ADARB2: variants seen among roughly 807,000 people sequenced by gnomAD.
ADARB2 encodes the protein inactive double-stranded RNA-specific editase B2.
Under a neutral mutation model 62.2 loss-of-function variants are expected in ADARB2, and 25 were observed. The ratio of observed to expected loss-of-function variants is 0.40; its 90% confidence interval spans 0.29 to 0.56. The LOEUF (loss-of-function observed/expected upper bound fraction) is 0.56, where lower values mean the gene tolerates loss of function less well. Ranked by LOEUF, ADARB2 falls within the 20% of genes least tolerant of loss-of-function variation. The pLI is 0.43. For synonymous variants in ADARB2, 572 were observed against 500.8 expected, an observed-to-expected ratio of 1.14 and a Z score of -1.90; for missense variants, 1,071 against 1,077.4, an observed-to-expected ratio of 0.99 and a Z score of 0.08.
chr10:1,614,706 T>C (rs1833608022), intron 1 of ADARB2, among the ~76,000 whole-genome samples: 1 of 152,154 alleles, frequency 6.6e-6, no homozygotes, highest in African/African-American at 2.4e-5. Context: ...GTTCAGGAGA[T>C]TGAGACCATC....
intron 3 of ADARB2, among the ~76,000 whole-genome samples, chr10:1,327,377 GGCACAGCGCCTCCC>G (rs1831875052): frequency 1.5e-3 from 30 of 20,612 alleles, no homozygotes; most frequent in Admixed American, 1.9e-3. Context: ...GCCTCCCCAC[GGCACAGCGCCTCCC>G]CACTGCACAG....
At chr10:1,210,697 A>C (rs1347276406) in intron 7 of ADARB2, among the ~76,000 whole-genome samples, 1 of 152,230 alleles carries the variant, frequency 6.6e-6, no homozygotes, top group Non-Finnish European at 1.5e-5. Context: ...TCCTTCGCTC[A>C]TGAGTGCAGT....
intron 1 of ADARB2, among the ~76,000 whole-genome samples, chr10:1,647,005 A>G (rs1834051430): frequency 6.6e-6 from 1 of 152,224 alleles, no homozygotes; most frequent in Non-Finnish European, 1.5e-5. Flanking sequence ...TTGGGAGGAT[A>G]AAATCCAAAG....
intron 1 of ADARB2, among the ~76,000 whole-genome samples, chr10:1,641,448 G>A (rs554743264): frequency 6.6e-6 from 1 of 152,196 alleles, no homozygotes; most frequent in Admixed American, 6.5e-5. Context: ...TTAAACCACA[G>A]CATTTTTTGA....
chr10:1,529,935 G>GACCCATCCATTGCTCCCGCCACTGCAGGC (rs541382866), intron 1 of ADARB2, among the ~76,000 whole-genome samples: 22 of 149,876 alleles, frequency 1.5e-4, no homozygotes, highest in Non-Finnish European at 2.4e-4. Context: ...CCACTGCAGG[G>GACCCATCCATTGCTCCCGCCACTGCAGGC]ACCCATTCAC....
rs534973363 is a variant in ADARB2, at chr10:1,537,906, C to T, written c.101-158746G>A. On this transcript the variant is annotated intron_variant, in intron 1 of 9. Coordinates refer to ENST00000381312, the MANE Select transcript of ADARB2 (RefSeq NM_018702.4). ...ATGACAGGTCGACAGGTGCAGCAAA[C>T]CCCCATGGCACATGTATACCTATGT... Among the ~76,000 whole-genome samples, 458 of 152,326 alleles carry T rather than the reference C, an allele frequency of 3.0e-3. 5 individuals carry two copies. Among genetic ancestry groups the T allele is most frequent in the Middle Eastern group, 0.01 (3 of 294 alleles).
At chr10:1,273,280 A>G (rs780285866) in intron 3 of ADARB2, among the ~76,000 whole-genome samples, 3 of 152,046 alleles carry the variant, frequency 2.0e-5, no homozygotes, top group Admixed American at 6.6e-5. Flanking sequence ...TTTTTCTTTG[A>G]GACAGGGTTT....
At chr10:1,288,483 C>G (rs1379831920) in intron 3 of ADARB2, among the ~76,000 whole-genome samples, 1 of 152,178 alleles carries the variant, frequency 6.6e-6, no homozygotes. Flanking sequence ...ATGAACAAGC[C>G]AAGGCTGAGG....
chr10:1,721,506 GACAC>G (rs145276170), intron 1 of ADARB2, among the ~76,000 whole-genome samples: 2,033 of 152,276 alleles, frequency 0.013, 49 homozygotes, highest in African/African-American at 0.046. Flanking sequence ...GGAGTGCAAA[GACAC>G]ACACACGCTG....
At chr10:1,730,031 A>C (rs1835212420) in intron 1 of ADARB2, among the ~76,000 whole-genome samples, 1 of 152,228 alleles carries the variant, frequency 6.6e-6, no homozygotes. Flanking sequence ...AATTCTTTCC[A>C]TTATGTGCAA....
chr10:1,385,123 A>G (rs952980694), intron 1 of ADARB2, among the ~76,000 whole-genome samples: 13 of 152,222 alleles, frequency 8.5e-5, no homozygotes, highest in African/African-American at 3.1e-4. Flanking sequence ...CTGGTCAGTA[A>G]TAAACTACCC....
intron 1 of ADARB2, among the ~76,000 whole-genome samples, chr10:1,599,203 C>T (rs61834179): frequency 0.012 from 1,767 of 152,278 alleles, 22 homozygotes; most frequent in Non-Finnish European, 0.018. Flanking sequence ...ACTCGCTTGA[C>T]AAAGAGTTTC....
At chr10:1,471,701 T>A (rs1210282444) in intron 1 of ADARB2, among the ~76,000 whole-genome samples, 1 of 152,202 alleles carries the variant, frequency 6.6e-6, no homozygotes, top group Non-Finnish European at 1.5e-5. Flanking sequence ...CCTGTATAAT[T>A]TCTTGTTAAA....
intron 1 of ADARB2, among the ~76,000 whole-genome samples, chr10:1,687,129 C>A (rs910718891): frequency 6.7e-6 from 1 of 150,226 alleles, no homozygotes; most frequent in African/African-American, 2.5e-5. Context: ...TGGGTTCAAG[C>A]GATTCTCCTG....
intron 1 of ADARB2, among the ~76,000 whole-genome samples, chr10:1,661,882 G>T (rs1167674583): frequency 6.6e-6 from 1 of 152,152 alleles, no homozygotes; most frequent in South Asian, 2.1e-4. Flanking sequence ...TTCCCTCTAC[G>T]GAACCGCACT....
At chr10:1,373,326 A>C (rs965405710) in intron 2 of ADARB2, among the ~76,000 whole-genome samples, 4 of 150,820 alleles carry the variant, frequency 2.7e-5, no homozygotes, top group African/African-American at 9.8e-5. Flanking sequence ...ACACACACAC[A>C]CCCACCCACA....
At chr10:1,657,611 C>T (rs1011095725) in intron 1 of ADARB2, among the ~76,000 whole-genome samples, 1 of 152,216 alleles carries the variant, frequency 6.6e-6, no homozygotes, top group Admixed American at 6.5e-5. Flanking sequence ...AAGGCAGCAT[C>T]TCCTGTGCTG....
At chr10:1,434,209 G>A (rs1050074036) in intron 1 of ADARB2, among the ~76,000 whole-genome samples, 7 of 152,212 alleles carry the variant, frequency 4.6e-5, no homozygotes, top group African/African-American at 1.7e-4. Flanking sequence ...GATAACGAGA[G>A]ATTTAAAATA....
At chr10:1,595,141 A>G (rs772719591) in intron 1 of ADARB2, among the ~76,000 whole-genome samples, 1 of 152,214 alleles carries the variant, frequency 6.6e-6, no homozygotes, top group Non-Finnish European at 1.5e-5. Flanking sequence ...CACTTATAAC[A>G]TAGCCGAGGT....
Sources: gnomAD v4.1 joint callset for allele counts (sites outside exome capture counted in the v4.1 genomes callset) on GRCh38, gnomAD v4.1.1 for gene constraint, MANE v1.5 for transcripts, NCBI Gene and HGNC (gene_info 2026-07-23, HGNC 2026-07-21) for gene names.